The following ZNF292 variants were observed in gnomAD, a reference collection of about 807,000 sequenced individuals.
ZNF292 encodes zinc finger protein 292, also known as 16 zinc-finger domain protein.
A neutral mutation model predicts 217.9 loss-of-function variants in ZNF292; 26 were observed. The ratio of observed to expected loss-of-function variants is 0.12; its 90% CI spans 0.09 to 0.17. The LOEUF is 0.17. Among genes scored for constraint, ZNF292 ranks in the 10% least tolerant of loss-of-function variants. The pLI is 1.00. For synonymous variants in ZNF292, 1,257 were observed against 1,124.1 expected (o/e 1.12, Z -2.37); for missense variants, 2,904 against 3,175.2 (o/e 0.91, Z 2.05).
At chr6:87,254,115 T>G (rs1775078639) in intron 7 of ZNF292, among the ~76,000 whole-genome samples, 1 of 152,232 alleles carries the variant, frequency 6.6e-6, no homozygotes, top group Non-Finnish European at 1.5e-5. Context: ...AGAAGCAAAC[T>G]ATTTCTTTCA....
intron 3 of ZNF292, among the ~76,000 whole-genome samples, chr6:87,216,657 G>C (rs1032440914): frequency 6.6e-6 from 1 of 151,932 alleles, no homozygotes. Flanking sequence ...TTTGGATTTA[G>C]AAACAGTTAA....
At chr6:87,235,158 G>T (rs1773842122) in intron 5 of ZNF292, among the ~76,000 whole-genome samples, 1 of 152,108 alleles carries the variant, frequency 6.6e-6, no homozygotes, top group African/African-American at 2.4e-5. Context: ...ATAGAAGACT[G>T]ACATTTTCTT....
chr6:87,230,465 G>A (rs1365355159), intron 4 of ZNF292, among the ~76,000 whole-genome samples: 1 of 152,088 alleles, frequency 6.6e-6, no homozygotes, highest in Non-Finnish European at 1.5e-5. Context: ...CCGGCGTGGG[G>A]GCTCACACCT....
chr6:87,182,420 A>G (rs757327922), intron 1 of ZNF292, among the ~76,000 whole-genome samples: 1 of 152,230 alleles, frequency 6.6e-6, no homozygotes, highest in Non-Finnish European at 1.5e-5. Context: ...AATGACAGTC[A>G]TGTAAATTAT....
Position 87,258,751 on chromosome 6 carries a change from A to T in ZNF292, c.5122A>T (p.Thr1708Ser). The T allele has an allele frequency of 6.2e-7, 1 of 1,613,478 alleles. No homozygotes were observed. The highest frequency in any genetic ancestry group is 1.1e-5 in the South Asian group (1 of 91,062). The stretch of plus-strand genomic sequence containing the variant: ...GACTGATGTAAAAGAGAATTTCAAA[A>T]CCAGTCTTGAGTCCCATACAGTGTT... ...FMTDVKENFK[T>S]SLESHTVLAP... is the part of the protein sequence containing the mutation. The change falls in exon 8 of 8, where the codon ACC becomes TCC. Residue 1708 changes from threonine (T) to serine (S), a missense_variant. This residue lies in a region of ZNF292 where 622 missense variants were observed against 573.1 expected (regional missense o/e 1.09). Transcript: ENST00000369577.
intron 4 of ZNF292, among the ~76,000 whole-genome samples, chr6:87,221,419 T>G (rs1488530621): frequency 6.6e-6 from 1 of 152,216 alleles, no homozygotes; most frequent in Non-Finnish European, 1.5e-5. Context: ...TAGCTTTTGC[T>G]CAAACACTTC....
intron 1 of ZNF292, among the ~76,000 whole-genome samples, chr6:87,202,940 T>TA (rs1772136975): frequency 6.6e-6 from 1 of 152,052 alleles, no homozygotes; most frequent in Non-Finnish European, 1.5e-5. Context: ...CTTAGGTATA[T>TA]GTATATATAG....
At chr6:87,249,295 T>A (rs1236184063) in intron 7 of ZNF292, 5 of 308,810 alleles carry the variant, frequency 1.6e-5, no homozygotes, top group South Asian at 1.0e-4. Context: ...CTTGGCTAAT[T>A]TTTTTATTTT....
At chr6:87,160,040 C>T (rs1437300773) in intron 1 of ZNF292, among the ~76,000 whole-genome samples, 1 of 152,096 alleles carries the variant, frequency 6.6e-6, no homozygotes, top group Non-Finnish European at 1.5e-5. Context: ...TTAGACTGGG[C>T]CAGTAGTCAC....
chr6:87,172,351 A>G (rs548336572), intron 1 of ZNF292, among the ~76,000 whole-genome samples: 1 of 152,308 alleles, frequency 6.6e-6, no homozygotes, highest in East Asian at 1.9e-4. Flanking sequence ...GCACAAATGG[A>G]CAAGTAACAA....
intron 6 of ZNF292, among the ~76,000 whole-genome samples, chr6:87,244,027 A>G (rs1267170116): frequency 6.7e-6 from 1 of 148,372 alleles, no homozygotes; most frequent in African/African-American, 2.5e-5. Context: ...CAGTTAATGT[A>G]AAAACTGAAG....
chr6:87,219,891 G>A lies in ZNF292; in HGVS notation c.538+1160G>A, dbSNP rs540833393. 9.2e-5 allele frequency among the ~76,000 whole-genome samples: 14 copies of A among 152,254 alleles called. No homozygotes were observed. The South Asian group carries it at 2.7e-3, about 29-fold the overall frequency. ...GGCCCAGGCTAGAGTGCGGTGGTGCGATCATGGCTCACCGCAGCCTCACTT... is the reference window on the plus strand; with the variant it reads ...GGCCCAGGCTAGAGTGCGGTGGTGCAATCATGGCTCACCGCAGCCTCACTT... On this transcript the variant is annotated intron_variant, in intron 4 of 7. Coordinates refer to ENST00000369577, the MANE Select transcript of ZNF292 (RefSeq NM_015021.3).
Position 87,260,923 on chromosome 6 carries a change from A to G in ZNF292, c.7294A>G (p.Asn2432Asp), listed in dbSNP as rs775498196. 4.3e-6 allele frequency: 7 copies of G among 1,611,186 alleles called. No individual in the cohort carries two copies. Among genetic ancestry groups the G allele is most frequent in the Admixed American group, 3.4e-5 (2 of 59,540 alleles). The change falls in exon 8 of 8, where the codon AAC (asparagine) becomes GAC (aspartate). Residue 2432 changes from asparagine to aspartate, a missense_variant. Physicochemically the swap from Asn to Asp is conservative, Grantham distance 23. This residue lies in a region of ZNF292 where 380 missense variants were observed against 355.3 expected (regional missense o/e 1.07). Coordinates refer to ENST00000369577, the MANE Select transcript of ZNF292 (RefSeq NM_015021.3). ...TCTTATTGTATTCAAACGGTGTTGCAACTCACAAGTAAAGGAAACGTCTGA... is the reference window on the plus strand; with the variant it reads ...TCTTATTGTATTCAAACGGTGTTGCGACTCACAAGTAAAGGAAACGTCTGA... ...NLLIVFKRCC[N>D]SQVKETSEQE...
At chr6:87,158,543 G>A (rs1014685182) in intron 1 of ZNF292, among the ~76,000 whole-genome samples, 5 of 152,096 alleles carry the variant, frequency 3.3e-5, no homozygotes, top group African/African-American at 1.2e-4. Context: ...GCGCTGTGGC[G>A]AGTGCCTGTA....
At chr6:87,196,797 G>A (rs1050133262) in intron 1 of ZNF292, among the ~76,000 whole-genome samples, 1 of 152,180 alleles carries the variant, frequency 6.6e-6, no homozygotes, top group Non-Finnish European at 1.5e-5. Flanking sequence ...TGCGTATTTA[G>A]TCCTTCCTAA....
chr6:87,233,291 A>C (rs1194812355), intron 4 of ZNF292, 34 bp from the exon 5 acceptor site: 2 of 1,432,714 alleles, frequency 1.4e-6, no homozygotes, highest in South Asian at 2.5e-5. Flanking sequence ...TTATTACCAA[A>C]TGTTAATAAT....
intron 1 of ZNF292, among the ~76,000 whole-genome samples, chr6:87,179,158 CTT>C (rs10670719): frequency 3.4e-5 from 4 of 116,330 alleles, no homozygotes; most frequent in African/African-American, 3.2e-5. Context: ...ATATATGTGG[CTT>C]TTTTTTTTTT....
chr6:87,180,773 C>T (rs538542487), intron 1 of ZNF292, among the ~76,000 whole-genome samples: 2 of 152,186 alleles, frequency 1.3e-5, no homozygotes, highest in African/African-American at 4.8e-5. Flanking sequence ...TGGGGACCCT[C>T]TTCTAAGTTT....
At chr6:87,209,054 C>T (rs1284860998) in intron 1 of ZNF292, among the ~76,000 whole-genome samples, 1 of 151,874 alleles carries the variant, frequency 6.6e-6, no homozygotes, top group Non-Finnish European at 1.5e-5. Flanking sequence ...GGAGGCTTAA[C>T]TCCTAAAATA....
Sources: gnomAD v4.1 joint callset for allele counts (sites outside exome capture counted in the v4.1 genomes callset) on GRCh38, gnomAD v4.1.1 for gene constraint, gnomAD v4.1.1 regional missense constraint, MANE v1.5 for transcripts, NCBI Gene and HGNC (gene_info 2026-07-23, HGNC 2026-07-21) for gene names.